Variants in HS6ST3 observed in about 807,000 individuals in gnomAD.
HS6ST3 encodes heparan sulfate 6-O-sulfotransferase 3, also known as heparan-sulfate 6-O-sulfotransferase 3.
Under a neutral mutation model 36.7 loss-of-function variants are expected in HS6ST3, and 12 were observed. The observed-to-expected ratio is 0.33, with a 90% CI of 0.21 to 0.53. The LOEUF is 0.53. Ranked by LOEUF, HS6ST3 falls within the 20% of genes least tolerant of loss-of-function variation. The pLI, the probability that HS6ST3 is intolerant of heterozygous loss-of-function variation, is 0.95. For missense variants in HS6ST3, 584 were observed against 640.9 expected, an observed-to-expected ratio of 0.91 and a Z score of 0.96; for synonymous variants, 240 against 257.5, an observed-to-expected ratio of 0.93 and a Z score of 0.65.
intron 1 of HS6ST3, among the ~76,000 whole-genome samples, chr13:96,163,340 C>T (rs891383240): frequency 6.6e-6 from 1 of 150,944 alleles, no homozygotes; most frequent in Non-Finnish European, 1.5e-5. Context: ...CGACATTCTC[C>T]TGCCTTAGCC....
chr13:96,478,842 A>C (rs1414646810), intron 1 of HS6ST3, among the ~76,000 whole-genome samples: 7 of 152,212 alleles, frequency 4.6e-5, no homozygotes, highest in Non-Finnish European at 1.5e-5. Context: ...AGGGTCACAA[A>C]GTTTCCAAGT....
chr13:96,295,123 C>T (rs937571381), intron 1 of HS6ST3, among the ~76,000 whole-genome samples: 10 of 152,014 alleles, frequency 6.6e-5, no homozygotes, highest in Non-Finnish European at 8.8e-5. Flanking sequence ...GGCTTTACTT[C>T]GCAGCTGTTT....
chr13:96,178,187 A>C (rs1371550776), intron 1 of HS6ST3, among the ~76,000 whole-genome samples: 1 of 152,234 alleles, frequency 6.6e-6, no homozygotes, highest in Non-Finnish European at 1.5e-5. Context: ...TATTGGATAC[A>C]TGGGAGTATA....
At chr13:96,262,230 C>T (rs888575345) in intron 1 of HS6ST3, among the ~76,000 whole-genome samples, 3 of 152,108 alleles carry the variant, frequency 2.0e-5, no homozygotes, top group East Asian at 1.9e-4. Flanking sequence ...AAGTTATTAG[C>T]AGGTGGAAAA....
At chr13:96,317,378 A>ATATATAAAAT (rs71796362) in intron 1 of HS6ST3, among the ~76,000 whole-genome samples, 44,012 of 100,326 alleles carry the variant, frequency 0.44, 8,786 homozygotes, top group African/African-American at 0.5. Flanking sequence ...AAAATTATAT[A>ATATATAAAAT]TATATATATA....
At chr13:96,443,808 A>G (rs2055685395) in intron 1 of HS6ST3, among the ~76,000 whole-genome samples, 1 of 152,214 alleles carries the variant, frequency 6.6e-6, no homozygotes. Flanking sequence ...CAAAGTAAGT[A>G]CTTGTTATTC....
intron 1 of HS6ST3, among the ~76,000 whole-genome samples, chr13:96,809,448 A>G (rs985081870): frequency 1.3e-5 from 2 of 152,284 alleles, no homozygotes; most frequent in East Asian, 1.9e-4. Flanking sequence ...ATGGTTTTCA[A>G]TGTTTAATTT....
chr13:96,358,559 G>C (rs933093397), intron 1 of HS6ST3, among the ~76,000 whole-genome samples: 1 of 152,030 alleles, frequency 6.6e-6, no homozygotes, highest in Non-Finnish European at 1.5e-5. Context: ...AAAAAGCAGA[G>C]AGAATATTTA....
rs369510045 is a variant in HS6ST3 at position 96,719,234 on chromosome 13, A to G, written c.708-113256A>G. ...GGTTGCAGTGAGCCGAGATCATGCC[A>G]CTGCACTCAAGCCTGGGTGACAGAG... On this transcript the variant is annotated intron_variant, in intron 1 of 1. Coordinates refer to ENST00000376705, the MANE Select transcript of HS6ST3 (RefSeq NM_153456.4). Among the ~76,000 whole-genome samples, 12 of 151,784 alleles carry G rather than the reference A, an allele frequency of 7.9e-5. No homozygotes were observed. The South Asian group carries it at 1.5e-3, about 19-fold the overall frequency.
intron 1 of HS6ST3, among the ~76,000 whole-genome samples, chr13:96,458,869 A>G (rs537573876): frequency 1.4e-4 from 22 of 152,036 alleles, no homozygotes; most frequent in Admixed American, 3.3e-4. Flanking sequence ...TGGGAGGCCA[A>G]TGGGGGTGTG....
At chr13:96,733,265 G>T (rs1429773010) in intron 1 of HS6ST3, among the ~76,000 whole-genome samples, 1 of 152,152 alleles carries the variant, frequency 6.6e-6, no homozygotes, top group Non-Finnish European at 1.5e-5. Flanking sequence ...GTTAGTCATG[G>T]TTTGTCATCT....
At chr13:96,110,772 G>A (rs1270759171) in intron 1 of HS6ST3, among the ~76,000 whole-genome samples, 1 of 152,146 alleles carries the variant, frequency 6.6e-6, no homozygotes. Flanking sequence ...TATCCAAACT[G>A]TATCAACCTT....
chr13:96,167,462 T>C (rs1173199744), intron 1 of HS6ST3, among the ~76,000 whole-genome samples: 1 of 152,154 alleles, frequency 6.6e-6, no homozygotes, highest in African/African-American at 2.4e-5. Flanking sequence ...CCATGTGCTC[T>C]TGGTTTATCT....
chr13:96,705,527 C>T (rs1875397786), intron 1 of HS6ST3, among the ~76,000 whole-genome samples: 1 of 152,104 alleles, frequency 6.6e-6, no homozygotes, highest in Admixed American at 6.5e-5. Flanking sequence ...CTTAGGGGAC[C>T]ATCCCAGCCT....
chr13:96,780,771 G>A (rs541379778), intron 1 of HS6ST3, among the ~76,000 whole-genome samples: 323 of 152,122 alleles, frequency 2.1e-3, no homozygotes, highest in Non-Finnish European at 3.1e-3. Flanking sequence ...AGATAGAGTG[G>A]AATTGAGCTA....
At chr13:96,154,586 G>A (rs145451999) in intron 1 of HS6ST3, among the ~76,000 whole-genome samples, 20 of 151,962 alleles carry the variant, frequency 1.3e-4, no homozygotes, top group African/African-American at 4.3e-4. Flanking sequence ...AAAAGAGATC[G>A]CCTCTTACAA....
intron 1 of HS6ST3, among the ~76,000 whole-genome samples, chr13:96,810,575 C>G (rs963455561): frequency 6.6e-6 from 1 of 152,094 alleles, no homozygotes; most frequent in Non-Finnish European, 1.5e-5. Context: ...ACCATTTAGA[C>G]GTAAAGGAAG....
intron 1 of HS6ST3, among the ~76,000 whole-genome samples, chr13:96,581,110 A>G (rs2056340344): frequency 6.6e-6 from 1 of 152,234 alleles, no homozygotes; most frequent in Admixed American, 6.5e-5. Flanking sequence ...AGGGAAAATT[A>G]CAAGTTTCAA....
intron 1 of HS6ST3, among the ~76,000 whole-genome samples, chr13:96,660,573 C>T (rs2056642859): frequency 6.6e-6 from 1 of 151,982 alleles, no homozygotes; most frequent in Non-Finnish European, 1.5e-5. Flanking sequence ...CTGTAAAACT[C>T]CTAAAAGAAA....
Sources: gnomAD v4.1 joint callset for allele counts (sites outside exome capture counted in the v4.1 genomes callset) on GRCh38, gnomAD v4.1.1 for gene constraint, MANE v1.5 for transcripts, NCBI Gene and HGNC (gene_info 2026-07-23, HGNC 2026-07-21) for gene names.